The following NLGN1 variants were observed in gnomAD, a reference collection of about 807,000 sequenced individuals.
The protein encoded by NLGN1 is neuroligin 1.
NLGN1 carries 12 observed loss-of-function variants against 65.5 expected under a neutral mutation model. The ratio of observed to expected loss-of-function variants is 0.18; its 90% CI spans 0.12 to 0.30. The LOEUF (loss-of-function observed/expected upper bound fraction) is 0.30. Among genes scored for constraint, NLGN1 ranks in the 10% least tolerant of loss-of-function variants. The pLI is 1.00. For synonymous variants in NLGN1, 350 were observed against 359.5 expected (o/e 0.97, Z 0.30); for missense variants, 750 against 1,007.1 (o/e 0.74, Z 3.46).
intron 3 of NLGN1, among the ~76,000 whole-genome samples, chr3:173,652,526 G>A (rs1216799625): frequency 2.0e-5 from 3 of 151,952 alleles, no homozygotes; most frequent in South Asian, 4.1e-4. Context: ...CCTTTCCCTG[G>A]TGTACGTTTT....
At chr3:173,699,862 C>T (rs1041618282) in intron 3 of NLGN1, among the ~76,000 whole-genome samples, 2 of 152,078 alleles carry the variant, frequency 1.3e-5, no homozygotes, top group Non-Finnish European at 2.9e-5. Flanking sequence ...GAAAATTGCC[C>T]ACCAGTGGGA....
At chr3:173,731,801 A>AATGAG (rs1772902449) in intron 3 of NLGN1, among the ~76,000 whole-genome samples, 1 of 152,062 alleles carries the variant, frequency 6.6e-6, no homozygotes, top group African/African-American at 2.4e-5. Context: ...AGATGTGCAA[A>AATGAG]ATGAGATGGA....
intron 3 of NLGN1, among the ~76,000 whole-genome samples, chr3:173,633,484 G>C (rs1756077399): frequency 6.6e-6 from 1 of 152,146 alleles, no homozygotes; most frequent in South Asian, 2.1e-4. Flanking sequence ...GTTTACAACT[G>C]ATCTTTAAGA....
downstream of NLGN1, among the ~76,000 whole-genome samples, chr3:174,287,521 T>A (rs1325739634): frequency 6.6e-6 from 1 of 151,596 alleles, no homozygotes; most frequent in Non-Finnish European, 1.5e-5. Context: ...TTTCACTAGT[T>A]TTGTATTTCC....
At chr3:173,975,353 A>G (rs538974768) in intron 4 of NLGN1, among the ~76,000 whole-genome samples, 1 of 151,964 alleles carries the variant, frequency 6.6e-6, no homozygotes, top group Admixed American at 6.6e-5. Context: ...CTAATCAATG[A>G]AGAGTGGTTG....
At chr3:173,701,714 A>G (rs528231334) in intron 3 of NLGN1, among the ~76,000 whole-genome samples, 1 of 152,320 alleles carries the variant, frequency 6.6e-6, no homozygotes, top group South Asian at 2.1e-4. Flanking sequence ...ACACAGCCTT[A>G]AGCTTATGCC....
intron 3 of NLGN1, among the ~76,000 whole-genome samples, chr3:173,719,244 G>A (rs577110457): frequency 2.0e-4 from 31 of 152,170 alleles, no homozygotes; most frequent in African/African-American, 6.3e-4. Flanking sequence ...AATTTATTTT[G>A]ATCTCTGATT....
At chr3:174,255,708 G>A (rs1387613397) in intron 4 of NLGN1, among the ~76,000 whole-genome samples, 1 of 151,358 alleles carries the variant, frequency 6.6e-6, no homozygotes, top group Non-Finnish European at 1.5e-5. Context: ...GCCCAGGCCG[G>A]AGTGCAATAG....
At chr3:173,588,160 A>C (rs1354355950) in intron 2 of NLGN1, among the ~76,000 whole-genome samples, 2 of 152,202 alleles carry the variant, frequency 1.3e-5, no homozygotes, top group Admixed American at 6.5e-5. Context: ...ATTGAAAAAT[A>C]TCAAATTTGT....
chr3:174,084,547 T>C (rs1742886662), intron 4 of NLGN1, among the ~76,000 whole-genome samples: 2 of 152,078 alleles, frequency 1.3e-5, no homozygotes, highest in Admixed American at 1.3e-4. Flanking sequence ...ATTCAGAATA[T>C]AATAGAAACC....
chr3:174,231,882 A>T (rs1441903441), intron 4 of NLGN1, among the ~76,000 whole-genome samples: 3 of 152,174 alleles, frequency 2.0e-5, no homozygotes, highest in African/African-American at 7.2e-5. Context: ...TTCTAAGTCT[A>T]GGTTTTCTCC....
intron 2 of NLGN1, among the ~76,000 whole-genome samples, chr3:173,565,216 G>C (rs2149311089): frequency 6.6e-6 from 1 of 152,296 alleles, no homozygotes. Context: ...GAAAATACAA[G>C]ACAGTAGTCA....
At chr3:173,978,162 G>A (rs1397831302) in intron 4 of NLGN1, among the ~76,000 whole-genome samples, 3 of 152,248 alleles carry the variant, frequency 2.0e-5, no homozygotes, top group Non-Finnish European at 2.9e-5. Context: ...GAATAGTAAT[G>A]TCTAGCATCA....
At chr3:173,855,554 T>G (rs1236102968) in intron 4 of NLGN1, among the ~76,000 whole-genome samples, 2 of 152,136 alleles carry the variant, frequency 1.3e-5, no homozygotes, top group African/African-American at 4.8e-5. Context: ...ATTCTTGTAG[T>G]CTTCCAAGAT....
intron 2 of NLGN1, among the ~76,000 whole-genome samples, chr3:173,457,588 T>A (rs1038632263): frequency 6.6e-6 from 1 of 152,122 alleles, no homozygotes; most frequent in Non-Finnish European, 1.5e-5. Flanking sequence ...CCTATCTATA[T>A]TTACAAAAGA....
downstream of NLGN1, among the ~76,000 whole-genome samples, chr3:174,290,038 A>G (rs1752587433): frequency 6.7e-6 from 1 of 148,374 alleles, no homozygotes; most frequent in Non-Finnish European, 1.5e-5. Context: ...TGAGGATACT[A>G]CATGTCAGCT....
intron 4 of NLGN1, among the ~76,000 whole-genome samples, chr3:174,005,945 C>T (rs1488239873): frequency 6.6e-6 from 1 of 152,050 alleles, no homozygotes; most frequent in Non-Finnish European, 1.5e-5. Flanking sequence ...CTTACATTTT[C>T]TACTATATTT....
At chr3:174,045,060 A>C (rs148457403) in intron 4 of NLGN1, among the ~76,000 whole-genome samples, 255 of 152,240 alleles carry the variant, frequency 1.7e-3, no homozygotes, top group African/African-American at 6.0e-3. Context: ...GAATGGACTA[A>C]TACACCATCC....
chr3:173,679,387 A>C (rs766676243), intron 3 of NLGN1, among the ~76,000 whole-genome samples: 1 of 152,094 alleles, frequency 6.6e-6, no homozygotes, highest in Non-Finnish European at 1.5e-5. Flanking sequence ...TACAGGCAGC[A>C]CTAATTCTGA....
Sources: gnomAD v4.1 joint callset for allele counts (sites outside exome capture counted in the v4.1 genomes callset) on GRCh38, gnomAD v4.1.1 for gene constraint, MANE v1.5 for transcripts, NCBI Gene and HGNC (gene_info 2026-07-23, HGNC 2026-07-21) for gene names.